The following ZFYVE1 variants were observed in gnomAD, a reference collection of about 807,000 sequenced individuals.
ZFYVE1 encodes zinc finger FYVE-type containing 1, also known as zinc finger FYVE domain-containing protein 1.
Under a neutral mutation model 74.4 loss-of-function variants are expected in ZFYVE1, and 30 were observed. The observed-to-expected ratio is 0.40, with a 90% CI of 0.30 to 0.55. The LOEUF (loss-of-function observed/expected upper bound fraction) is 0.55, where lower values mean the gene tolerates loss of function less well. Among genes scored for constraint, ZFYVE1 ranks in the 20% least tolerant of loss-of-function variants. The pLI, the probability that ZFYVE1 is intolerant of heterozygous loss-of-function variation, is 0.42. For synonymous variants in ZFYVE1, 335 were observed against 385.1 expected, an observed-to-expected ratio of 0.87 and a Z score of 1.52; for missense variants, 703 against 1,011.6, an observed-to-expected ratio of 0.69 and a Z score of 4.14.
At chr14:73,019,515 T>C (rs1894271014) in intron 2 of ZFYVE1, among the ~76,000 whole-genome samples, 1 of 152,124 alleles carries the variant, frequency 6.6e-6, no homozygotes, top group Non-Finnish European at 1.5e-5. Context: ...TGATAGACAC[T>C]TTACTGCTAT....
chr14:72,998,461 C>T (rs1312120657), intron 2 of ZFYVE1, 146 bp from the exon 3 acceptor site: 1 of 708,278 alleles, frequency 1.4e-6, no homozygotes, highest in Non-Finnish European at 2.1e-6. Flanking sequence ...CCCACCTCCA[C>T]CCTTAGCAAA....
intron 11 of ZFYVE1, among the ~76,000 whole-genome samples, chr14:72,971,865 G>T (rs567437912): frequency 3.0e-3 from 457 of 152,298 alleles, no homozygotes; most frequent in Non-Finnish European, 5.1e-3. Flanking sequence ...CTGGGCTCTG[G>T]AGTCAGACAC....
chr14:72,997,689 T>A, intron 3 of ZFYVE1, 122 bp downstream of exon 3: 1 of 1,305,100 alleles, frequency 7.7e-7, no homozygotes, highest in Non-Finnish European at 1.1e-6. Context: ...ACACTTTCTA[T>A]GTCTTCTTTG....
At position 73,023,363 on chromosome 14, in the gene ZFYVE1, A is replaced by G. The variant is rs866469043; in HGVS notation, c.483+663T>C. On this transcript the variant is annotated intron_variant, in intron 2 of 11. Transcript: ENST00000556143. Reference sequence around the variant, plus strand: ...GTTTTATATATAATATATATTATATATGTTTTATATATAATATATATATTT... The same window carrying G: ...GTTTTATATATAATATATATTATATGTGTTTTATATATAATATATATATTT... Among the ~76,000 whole-genome samples, 15 of 55,782 alleles carry G rather than the reference A, an allele frequency of 2.7e-4. 1 individual carries two copies. The highest frequency in any genetic ancestry group is 2.1e-3 in the East Asian group (6 of 2,854). 36.6% of individuals were successfully genotyped at this position (55,782 alleles called of 152,430 possible). A position where few individuals can be genotyped will look rare whatever the true frequency, so the allele number is the denominator to read the frequency against.
At chr14:73,013,245 T>G (rs1894125123) in intron 2 of ZFYVE1, among the ~76,000 whole-genome samples, 1 of 152,186 alleles carries the variant, frequency 6.6e-6, no homozygotes. Context: ...GAACTCCAGC[T>G]ATGACCAAGC....
chr14:72,977,645 G>C (rs776632296), intron 8 of ZFYVE1, among the ~76,000 whole-genome samples: 2 of 152,016 alleles, frequency 1.3e-5, no homozygotes, highest in Non-Finnish European at 2.9e-5. Flanking sequence ...TATAGAAAAT[G>C]AATGAGTAGA....
chr14:72,978,930 T>C lies in ZFYVE1; in HGVS notation c.1350A>G (p.Gly450=). The C allele has an allele frequency of 1.9e-6, 3 of 1,614,020 alleles. No individual in the cohort carries two copies. Among genetic ancestry groups the C allele is most frequent in the African/African-American group, 2.7e-5 (2 of 75,028 alleles). The change falls in exon 6 of 12, where the codon GGA becomes GGG. Residue 450 remains glycine, a synonymous_variant. Coordinates refer to ENST00000556143, the MANE Select transcript of ZFYVE1 (RefSeq NM_021260.4). ...CKKSMNHGKE[G]VPHEAKSRCR... ...AGCGGCTCTTGGCTTCATGAGGCAC[T>C]CCTTCCTTCCCATGATTCATGCTTT...
At position 72,978,065 on chromosome 14, in the gene ZFYVE1, T is replaced by C. The variant is rs759652719; in HGVS notation, c.1518-21A>G. On this transcript the variant is annotated intron_variant, in intron 7 of 11. Transcript: ENST00000556143. ...CATACCTACAAGGAAAGCAAATCAA[T>C]ACTGTTACCCAGCCAGGTGCCTGGG... 6.2e-6 allele frequency: 10 copies of C among 1,614,046 alleles called. No homozygotes were observed. In the East Asian group the frequency reaches 1.6e-4, roughly 25 times the overall value.
intron 2 of ZFYVE1, among the ~76,000 whole-genome samples, chr14:72,999,753 T>A (rs1355844530): frequency 6.6e-6 from 1 of 152,134 alleles, no homozygotes; most frequent in Non-Finnish European, 1.5e-5. Context: ...AACAGTGTCA[T>A]CCGCCTCATT....
chr14:72,991,398 C>T (rs1283406868), intron 4 of ZFYVE1, among the ~76,000 whole-genome samples: 1 of 152,040 alleles, frequency 6.6e-6, no homozygotes, highest in Non-Finnish European at 1.5e-5. Flanking sequence ...ACCGTGTTAG[C>T]CAGGATGGTC....
chr14:72,975,195 G>A lies in ZFYVE1; in HGVS notation c.1807-236C>T. On this transcript the variant is annotated intron_variant, in intron 9 of 11. Transcript: ENST00000556143. The surrounding 1 kb of genome is among the most constrained non-coding windows in gnomAD (Gnocchi z 4.1). ...AGCTGGGTGCTCTCTTGCTCTGGGT[G>A]CTGTAGCGTTAATGGATCAAGCTGA... 1.9e-6 allele frequency: 1 copy of A among 538,348 alleles called. No homozygotes were observed. The highest frequency in any genetic ancestry group is 3.4e-5 in the Admixed American group (1 of 29,122). 33.3% of individuals were successfully genotyped at this position (538,348 alleles called of 1,614,324 possible).
intron 5 of ZFYVE1, among the ~76,000 whole-genome samples, chr14:72,979,935 T>C (rs1269596114): frequency 1.3e-5 from 2 of 152,068 alleles, no homozygotes; most frequent in Non-Finnish European, 2.9e-5. Flanking sequence ...ATCCTGATAA[T>C]GCAAAAACAG....
At position 72,969,617 on chromosome 14, in the gene ZFYVE1, C is replaced by A; in HGVS notation, c.*1265G>T. 1 of 684,454 alleles carries A rather than the reference C, an allele frequency of 1.5e-6. No homozygotes were observed. Among genetic ancestry groups the A allele is most frequent in the Non-Finnish European group, 2.7e-6 (1 of 376,804 alleles). 42.4% of individuals were successfully genotyped at this position (684,454 alleles called of 1,614,324 possible). A position where few individuals can be genotyped will look rare whatever the true frequency, so the allele number is the denominator to read the frequency against. On this transcript the variant is annotated 3_prime_UTR_variant, in exon 12 of 12. Transcript: ENST00000556143. ...ACCAGGAATGACCGCCATATACTTC[C>A]CTAAAGCTCAACCCACCCACCAGTT...
At chr14:73,005,885 G>A (rs1893967101) in intron 2 of ZFYVE1, among the ~76,000 whole-genome samples, 1 of 152,002 alleles carries the variant, frequency 6.6e-6, no homozygotes, top group Non-Finnish European at 1.5e-5. Context: ...AGAGCTCACT[G>A]CTTGCATCAG....
At chr14:72,993,415 A>C in intron 3 of ZFYVE1, 58 bp from the exon 4 acceptor site, 1 of 1,494,684 alleles carries the variant, frequency 6.7e-7, no homozygotes, top group South Asian at 1.3e-5. Flanking sequence ...AAAAAAAAAA[A>C]AAGTAGGCCA....
chr14:72,988,067 T>A (rs1299500501), intron 4 of ZFYVE1, among the ~76,000 whole-genome samples: 1 of 152,164 alleles, frequency 6.6e-6, no homozygotes, highest in Non-Finnish European at 1.5e-5. Flanking sequence ...CAAATCCACA[T>A]TTCCCGGTCA....
At chr14:72,994,379 G>A (rs1266789119) in intron 3 of ZFYVE1, among the ~76,000 whole-genome samples, 3 of 136,330 alleles carry the variant, frequency 2.2e-5, no homozygotes, top group Non-Finnish European at 3.1e-5. Context: ...TGTACATGAA[G>A]TACATAAGCA....
intron 4 of ZFYVE1, among the ~76,000 whole-genome samples, chr14:72,987,835 T>C (rs1367080224): frequency 6.6e-6 from 1 of 152,010 alleles, no homozygotes; most frequent in Non-Finnish European, 1.5e-5. Context: ...ATAAGCCAGC[T>C]AGAAAAAAAG....
At chr14:73,011,782 A>T (rs1258905296) in intron 2 of ZFYVE1, among the ~76,000 whole-genome samples, 1 of 150,758 alleles carries the variant, frequency 6.6e-6, no homozygotes, top group Admixed American at 6.6e-5. Flanking sequence ...TCTGCCTCCC[A>T]AAGTGCTGGG....
Sources: allele counts gnomAD v4.1 joint callset (sites outside exome capture counted in the v4.1 genomes callset), GRCh38; gene constraint gnomAD v4.1.1; non-coding constraint Gnocchi (gnomAD v3.1); transcripts MANE v1.5; gene names NCBI Gene and HGNC (gene_info 2026-07-23, HGNC 2026-07-21).